The following TNRC6B variants were observed in gnomAD, a reference collection of about 807,000 sequenced individuals.
The protein encoded by TNRC6B is trinucleotide repeat containing adaptor 6B.
In TNRC6B, 52 loss-of-function variants were observed where a neutral mutation model predicts 203.6. The ratio of observed to expected loss-of-function variants is 0.26; its 90% CI spans 0.20 to 0.32. The LOEUF (loss-of-function observed/expected upper bound fraction) is 0.32, where lower values mean the gene tolerates loss of function less well. Among genes scored for constraint, TNRC6B ranks in the 10% least tolerant of loss-of-function variants. TNRC6B has a pLI of 1.00. For synonymous variants in TNRC6B, 838 were observed against 845.7 expected (o/e 0.99, Z 0.16); for missense variants, 1,923 against 2,286.2 (o/e 0.84, Z 3.24).
rs1401672918 is a variant in TNRC6B, at chr22:40,329,503, T to G, written c.*6262T>G. On this transcript the variant is annotated 3_prime_UTR_variant, in exon 23 of 23. Coordinates refer to ENST00000454349, the MANE Select transcript of TNRC6B (RefSeq NM_001162501.2). ...CTTTAGATTTGAAATAATTATCAGC[T>G]CCAAGAATCTGTGAACATAGTAATA... 1 of 152,022 alleles carries G rather than the reference T, an allele frequency of 6.6e-6. No individual in the cohort carries two copies. Among genetic ancestry groups the G allele is most frequent in the African/African-American group, 2.4e-5 (1 of 41,370 alleles). 9.4% of individuals were successfully genotyped at this position (152,022 alleles called of 1,614,324 possible).
intron 11 of TNRC6B, among the ~76,000 whole-genome samples, chr22:40,285,417 T>C (rs2070767421): frequency 6.6e-6 from 1 of 152,232 alleles, no homozygotes; most frequent in Admixed American, 6.5e-5. Context: ...TTTGATGACA[T>C]TGAACCCTTT....
At chr22:40,113,566 A>G (rs1451454403) in intron 1 of TNRC6B, among the ~76,000 whole-genome samples, 1 of 152,252 alleles carries the variant, frequency 6.6e-6, no homozygotes, top group Non-Finnish European at 1.5e-5. Flanking sequence ...CAGGTTGCCC[A>G]GGCTAGTCTT....
intron 4 of TNRC6B, among the ~76,000 whole-genome samples, chr22:40,160,476 CAA>C (rs10668307): frequency 8.6e-5 from 11 of 128,046 alleles, no homozygotes; most frequent in African/African-American, 8.7e-5. Flanking sequence ...AACTCCGTCT[CAA>C]AAAAAAAAAA....
chr22:40,274,960 G>A (rs1486914433), intron 7 of TNRC6B, among the ~76,000 whole-genome samples: 1 of 152,192 alleles, frequency 6.6e-6, no homozygotes, highest in Non-Finnish European at 1.5e-5. Flanking sequence ...CAACATGAGA[G>A]TCTTGGCACC....
intron 1 of TNRC6B, among the ~76,000 whole-genome samples, chr22:40,190,530 T>A (rs1368504821): frequency 6.6e-6 from 1 of 152,270 alleles, no homozygotes; most frequent in African/African-American, 2.4e-5. Context: ...CATCATCTGC[T>A]GTTGCATTTT....
At chr22:40,052,614 A>C (rs539633436) in intron 1 of TNRC6B, among the ~76,000 whole-genome samples, 1 of 151,816 alleles carries the variant, frequency 6.6e-6, no homozygotes, top group South Asian at 2.1e-4. Context: ...GCACCTCCAC[A>C]CCTGGCTCAT....
intron 1 of TNRC6B, among the ~76,000 whole-genome samples, chr22:40,101,766 T>C (rs1486493001): frequency 1.3e-5 from 2 of 152,232 alleles, no homozygotes; most frequent in African/African-American, 4.8e-5. Context: ...AAAACACTTC[T>C]TTCATCTTGT....
intron 12 of TNRC6B, among the ~76,000 whole-genome samples, chr22:40,289,089 AC>A (rs1390267933): frequency 3.3e-5 from 5 of 152,136 alleles, no homozygotes; most frequent in African/African-American, 4.8e-5. Flanking sequence ...TGCTGGGATT[AC>A]AGGCGTGAGC....
chr22:40,067,975 T>G (rs907643597), intron 1 of TNRC6B, among the ~76,000 whole-genome samples: 1 of 152,080 alleles, frequency 6.6e-6, no homozygotes, highest in African/African-American at 2.4e-5. Flanking sequence ...CCAAAGAATG[T>G]CCATAGAACC....
intron 11 of TNRC6B, 52 bp from the exon 12 acceptor site, chr22:40,285,592 CT>C (rs1402638406): frequency 3.2e-6 from 5 of 1,583,476 alleles, no homozygotes; most frequent in Non-Finnish European, 3.4e-6. Flanking sequence ...CTGTTTCTTA[CT>C]TGCATTTTCT....
rs1427240135 is a variant in TNRC6B, at chr22:40,322,972, G to T, written c.5233G>T (p.Gly1745Trp). 1 of 1,612,524 alleles carries T rather than the reference G, an allele frequency of 6.2e-7. No individual in the cohort carries two copies. Among genetic ancestry groups the T allele is most frequent in the Non-Finnish European group, 8.5e-7 (1 of 1,179,230 alleles). ...PAATPSAPAA[G>W]WQSLETGQNQ... Reference sequence around the variant, plus strand: ...AGCAACCCCAAGTGCGCCAGCTGCGGGGTGGCAGTCGCTGGAGACCGGCCA... The same window carrying T: ...AGCAACCCCAAGTGCGCCAGCTGCGTGGTGGCAGTCGCTGGAGACCGGCCA... The change falls in exon 23 of 23, where the codon GGG (glycine) becomes TGG (tryptophan). Residue 1745 changes from glycine (G) to tryptophan (W), a missense_variant. Transcript: ENST00000454349.
intron 22 of TNRC6B, among the ~76,000 whole-genome samples, chr22:40,322,109 T>C (rs1390218791): frequency 6.6e-6 from 1 of 152,180 alleles, no homozygotes; most frequent in East Asian, 1.9e-4. Flanking sequence ...TGAAGCCAGG[T>C]TGCTTCGATG....
chr22:40,234,670 A>G (rs191217872), intron 1 of TNRC6B, among the ~76,000 whole-genome samples: 11 of 152,230 alleles, frequency 7.2e-5, no homozygotes, highest in Non-Finnish European at 1.5e-4. Context: ...ACATAATAAA[A>G]TTGAAGGCAG....
At chr22:40,247,258 G>A (rs568048728) in intron 2 of TNRC6B, among the ~76,000 whole-genome samples, 2 of 152,252 alleles carry the variant, frequency 1.3e-5, no homozygotes, top group East Asian at 1.9e-4. Flanking sequence ...GGAAAGGTTC[G>A]AGGGTCCCTG....
chr22:40,165,907 T>G (rs1270447000), intron 4 of TNRC6B, among the ~76,000 whole-genome samples: 2 of 152,186 alleles, frequency 1.3e-5, no homozygotes, highest in Non-Finnish European at 2.9e-5. Flanking sequence ...CAAGATGAGA[T>G]TTGTGTGGGG....
At chr22:40,195,231 A>C (rs1445617123) in intron 1 of TNRC6B, among the ~76,000 whole-genome samples, 3 of 152,236 alleles carry the variant, frequency 2.0e-5, no homozygotes, top group Admixed American at 6.5e-5. Flanking sequence ...TAAAAGAAAC[A>C]ACACACCAAA....
intron 3 of TNRC6B, among the ~76,000 whole-genome samples, chr22:40,143,720 T>A (rs1478604153): frequency 6.6e-6 from 1 of 152,138 alleles, no homozygotes; most frequent in Non-Finnish European, 1.5e-5. Context: ...ATGGTCTCGA[T>A]CTCCTGACCT....
chr22:40,313,633 A>C (rs1485408154), intron 19 of TNRC6B, among the ~76,000 whole-genome samples: 1 of 152,238 alleles, frequency 6.6e-6, no homozygotes, highest in African/African-American at 2.4e-5. Context: ...TAAGCTGTTA[A>C]AGTCATTATG....
At chr22:40,281,748 T>C (rs1474570740) in intron 11 of TNRC6B, among the ~76,000 whole-genome samples, 1 of 152,232 alleles carries the variant, frequency 6.6e-6, no homozygotes, top group African/African-American at 2.4e-5. Flanking sequence ...CTAGTGTCTT[T>C]AAGTGTAAAA....
Sources: allele counts gnomAD v4.1 joint callset (sites outside exome capture counted in the v4.1 genomes callset), GRCh38; gene constraint gnomAD v4.1.1; transcripts MANE v1.5; gene names NCBI Gene and HGNC (gene_info 2026-07-23, HGNC 2026-07-21).